The following SCFD2 variants were observed in gnomAD, a reference collection of about 807,000 sequenced individuals.
SCFD2 encodes the protein sec1 family domain containing 2, also known as sec1 family domain-containing protein 2.
SCFD2 carries 54 observed loss-of-function variants against 58.9 expected under a neutral mutation model. That is an observed-to-expected ratio of 0.92 (90% CI 0.74 to 1.15). The LOEUF is 1.15. Ranked by LOEUF, SCFD2 falls within the 50% of genes most tolerant of loss-of-function variation. The pLI is 0.00. For synonymous variants in SCFD2, 321 were observed against 335.9 expected, an observed-to-expected ratio of 0.96 and a Z score of 0.49; for missense variants, 805 against 836.6, an observed-to-expected ratio of 0.96 and a Z score of 0.47.
chr4:53,279,470 G>GA (rs1459039383), intron 3 of SCFD2, among the ~76,000 whole-genome samples: 1 of 151,984 alleles, frequency 6.6e-6, no homozygotes, highest in Non-Finnish European at 1.5e-5. Flanking sequence ...TTAGCTAAGA[G>GA]AAAAACACAA....
chr4:53,326,609 C>T (rs532945387), intron 2 of SCFD2, among the ~76,000 whole-genome samples: 15 of 151,996 alleles, frequency 9.9e-5, no homozygotes, highest in East Asian at 5.8e-4. Context: ...TCACCATCAC[C>T]GCTCCTATTT....
chr4:53,319,364 C>T (rs543488910), intron 2 of SCFD2, among the ~76,000 whole-genome samples: 1 of 152,274 alleles, frequency 6.6e-6, no homozygotes, highest in Non-Finnish European at 1.5e-5. Flanking sequence ...AAATGTTTCC[C>T]TCCAAGAAGA....
At chr4:53,039,605 A>C (rs1289804754) in intron 5 of SCFD2, among the ~76,000 whole-genome samples, 1 of 152,200 alleles carries the variant, frequency 6.6e-6, no homozygotes, top group African/African-American at 2.4e-5. Flanking sequence ...GTTTAGGCAT[A>C]TCTTTTGCAA....
chr4:53,238,225 A>T (rs1457643919), intron 4 of SCFD2, among the ~76,000 whole-genome samples: 2 of 87,164 alleles, frequency 2.3e-5, no homozygotes, highest in Non-Finnish European at 4.6e-5. Context: ...GGCCGGGCAG[A>T]GGGGCTCCTC....
intron 5 of SCFD2, among the ~76,000 whole-genome samples, chr4:53,035,004 G>A (rs1344061841): frequency 1.3e-5 from 2 of 152,004 alleles, no homozygotes; most frequent in Non-Finnish European, 2.9e-5. Context: ...CAAAAAAGAG[G>A]CCACATAGCC....
rs1730765399 is a variant in SCFD2 at position 53,259,561 on chromosome 4, T to G, written c.1311+14265A>C. Among the ~76,000 whole-genome samples, 3 of 152,344 alleles carry G rather than the reference T, an allele frequency of 2.0e-5. No individual in the cohort carries two copies. In the South Asian group the frequency reaches 6.2e-4, roughly 32 times the overall value. ...TTGGCCTTATTTCTGGGTTCTCTAT[T>G]CTGTTCCACTGGTCTATGTGCCTAT... On this transcript the variant is annotated intron_variant, in intron 4 of 8. Transcript: ENST00000401642.
At chr4:53,248,606 T>A (rs1330994113) in intron 4 of SCFD2, among the ~76,000 whole-genome samples, 8 of 152,108 alleles carry the variant, frequency 5.3e-5, no homozygotes, top group Non-Finnish European at 1.2e-4. Context: ...CTCAAGTGGG[T>A]CCCTGACCCC....
chr4:53,324,064 G>A (rs1199634757), intron 2 of SCFD2, among the ~76,000 whole-genome samples: 1 of 152,086 alleles, frequency 6.6e-6, no homozygotes, highest in Non-Finnish European at 1.5e-5. Context: ...GCACAAGGTT[G>A]AAACCTTGTG....
At chr4:53,108,004 G>A (rs151018325) in intron 5 of SCFD2, among the ~76,000 whole-genome samples, 193 of 152,152 alleles carry the variant, frequency 1.3e-3, no homozygotes, top group Non-Finnish European at 1.6e-3. Context: ...GCAAAAGAAC[G>A]GAAATCAGAA....
intron 4 of SCFD2, among the ~76,000 whole-genome samples, chr4:53,233,992 AG>A (rs2149011338): frequency 6.6e-6 from 1 of 152,360 alleles, no homozygotes; most frequent in East Asian, 1.9e-4. Context: ...TCATAAAAAA[AG>A]TTATCAATTA....
intron 4 of SCFD2, among the ~76,000 whole-genome samples, chr4:53,180,889 ACTAGAAAAAT>A (rs1442845545): frequency 6.6e-6 from 1 of 152,234 alleles, no homozygotes; most frequent in Non-Finnish European, 1.5e-5. Context: ...ACGCAAATAA[ACTAGAAAAAT>A]CTAGAAGAAA....
intron 4 of SCFD2, among the ~76,000 whole-genome samples, chr4:53,261,046 T>C (rs1307180422): frequency 3.3e-5 from 5 of 152,314 alleles, no homozygotes; most frequent in Non-Finnish European, 5.9e-5. Context: ...TGATCGTTTG[T>C]ATTTCTGTGG....
At chr4:53,255,975 C>A (rs1355252910) in intron 4 of SCFD2, among the ~76,000 whole-genome samples, 64 of 148,138 alleles carry the variant, frequency 4.3e-4, no homozygotes, top group African/African-American at 1.6e-3. Context: ...GGGGCTGACC[C>A]CCCCACCTCC....
intron 2 of SCFD2, 103 bp from the exon 3 acceptor site, chr4:53,313,866 T>G: frequency 9.8e-7 from 1 of 1,016,748 alleles, no homozygotes; most frequent in Non-Finnish European, 1.5e-6. Flanking sequence ...AGCATTAATG[T>G]AGTCTTTCCT....
chr4:53,218,632 TC>T (rs1165771328), intron 4 of SCFD2, among the ~76,000 whole-genome samples: 12 of 152,242 alleles, frequency 7.9e-5, no homozygotes, highest in Admixed American at 3.9e-4. Context: ...GAAGCCTTCT[TC>T]TCTCAACTCG....
At chr4:53,200,254 T>C (rs1189292269) in intron 4 of SCFD2, among the ~76,000 whole-genome samples, 3 of 152,116 alleles carry the variant, frequency 2.0e-5, no homozygotes, top group Non-Finnish European at 4.4e-5. Context: ...ATTCTGCACC[T>C]GATCCTTTAA....
At chr4:52,931,926 G>A (rs1259537991) in intron 5 of SCFD2, among the ~76,000 whole-genome samples, 2 of 152,176 alleles carry the variant, frequency 1.3e-5, no homozygotes, top group Admixed American at 6.5e-5. Context: ...GGCTGTATGT[G>A]TGGGACGGGG....
At chr4:53,062,912 T>A (rs1171511851) in intron 5 of SCFD2, among the ~76,000 whole-genome samples, 1 of 152,168 alleles carries the variant, frequency 6.6e-6, no homozygotes, top group South Asian at 2.1e-4. Flanking sequence ...CTTTATTACA[T>A]GGAACCCATA....
At position 53,328,254 on chromosome 4, in the gene SCFD2, C is replaced by T. The variant is rs76723883; in HGVS notation, c.1008-14491G>A. On this transcript the variant is annotated intron_variant, in intron 2 of 8. Transcript: ENST00000401642. ...TTCCTTAGCTGTGTCCACTGTGAGG[C>T]CCTGGGAACAGTGACACTCCAAAAG... is the stretch of plus-strand genomic sequence containing the variant. Among the ~76,000 whole-genome samples the T allele has an allele frequency of 2.7e-3, 417 of 152,170 alleles. 15 individuals are homozygous for T. In the East Asian group the frequency reaches 0.069, roughly 25 times the overall value.
Sources: gnomAD v4.1 joint callset for allele counts (sites outside exome capture counted in the v4.1 genomes callset) on GRCh38, gnomAD v4.1.1 for gene constraint, MANE v1.5 for transcripts, NCBI Gene and HGNC (gene_info 2026-07-23, HGNC 2026-07-21) for gene names.